The following ERBB4 variants were observed in gnomAD, a reference collection of about 807,000 sequenced individuals.
ERBB4 encodes the protein receptor tyrosine-protein kinase erbB-4.
A neutral mutation model predicts 158.0 loss-of-function variants in ERBB4; 42 were observed. The observed-to-expected ratio is 0.27, with a 90% CI of 0.21 to 0.34. The LOEUF is 0.34. ERBB4 is among the 10% of genes least tolerant of loss of function. The pLI, the probability that ERBB4 is intolerant of heterozygous loss-of-function variation, is 1.00. For synonymous variants in ERBB4, 583 were observed against 558.7 expected (o/e 1.04, Z -0.61); for missense variants, 1,333 against 1,624.1 (o/e 0.82, Z 3.08).
At chr2:212,140,361 ATATAGTAATATCTATATGTTTATGTATC>A (rs201602169) in intron 1 of ERBB4, among the ~76,000 whole-genome samples, 15,254 of 147,492 alleles carry the variant, frequency 0.1, 1,799 homozygotes, top group African/African-American at 0.29. Flanking sequence ...CATATAATAT[ATATAGTAATATCTATATGTTTATGTATC>A]TATAGTAATA....
chr2:211,652,974 A>G (rs1045492476), intron 16 of ERBB4, among the ~76,000 whole-genome samples: 1 of 150,160 alleles, frequency 6.7e-6, no homozygotes, highest in African/African-American at 2.4e-5. Context: ...ACAAACAAAC[A>G]AAAAAAAATC....
At chr2:212,465,446 T>A (rs928273861) in intron 1 of ERBB4, among the ~76,000 whole-genome samples, 9 of 152,156 alleles carry the variant, frequency 5.9e-5, no homozygotes, top group African/African-American at 1.7e-4. Context: ...ACAATGATAA[T>A]CTATATTTTC....
intron 20 of ERBB4, among the ~76,000 whole-genome samples, chr2:211,488,513 A>T (rs2065261983): frequency 6.6e-6 from 1 of 152,168 alleles, no homozygotes; most frequent in Admixed American, 6.6e-5. Context: ...ATTTTATTTA[A>T]GAAAAGTATA....
intron 20 of ERBB4, among the ~76,000 whole-genome samples, chr2:211,521,163 C>T (rs1251203155): frequency 6.6e-6 from 1 of 152,112 alleles, no homozygotes; most frequent in Non-Finnish European, 1.5e-5. Context: ...TGTTGAAACC[C>T]AAGGTAGACT....
At chr2:211,552,607 A>C (rs185396897) in intron 20 of ERBB4, among the ~76,000 whole-genome samples, 3 of 152,212 alleles carry the variant, frequency 2.0e-5, no homozygotes, top group Admixed American at 2.0e-4. Context: ...CCTCAAATCA[A>C]TTAGGGCACC....
intron 9 of ERBB4, among the ~76,000 whole-genome samples, chr2:211,710,087 C>T (rs1007770634): frequency 4.6e-5 from 7 of 151,954 alleles, no homozygotes; most frequent in South Asian, 2.1e-4. Flanking sequence ...ATAATTAAAA[C>T]AATATATATT....
At chr2:211,585,351 C>A (rs77319292) in intron 19 of ERBB4, among the ~76,000 whole-genome samples, 461 of 131,856 alleles carry the variant, frequency 3.5e-3, no homozygotes, top group East Asian at 5.8e-3. Flanking sequence ...GACTCCGTCT[C>A]AAAAAAAAAA....
At chr2:212,331,191 T>G (rs1459325029) in intron 1 of ERBB4, among the ~76,000 whole-genome samples, 1 of 150,148 alleles carries the variant, frequency 6.7e-6, no homozygotes, top group African/African-American at 2.4e-5. Flanking sequence ...ATGATGTATA[T>G]GCCGCATCTC....
intron 1 of ERBB4, among the ~76,000 whole-genome samples, chr2:212,157,775 A>G (rs1476318663): frequency 6.6e-6 from 1 of 152,106 alleles, no homozygotes; most frequent in African/African-American, 2.4e-5. Context: ...CTCAGGAAAT[A>G]TTCGTTTAAT....
chr2:212,187,024 C>G (rs1464019422), intron 1 of ERBB4, among the ~76,000 whole-genome samples: 2 of 152,082 alleles, frequency 1.3e-5, no homozygotes, highest in Non-Finnish European at 2.9e-5. Flanking sequence ...CATTTTTCCT[C>G]TGCCTTAGAC....
chr2:211,697,503 A>T (rs1301198888), intron 12 of ERBB4, among the ~76,000 whole-genome samples: 1 of 152,178 alleles, frequency 6.6e-6, no homozygotes, highest in African/African-American at 2.4e-5. Context: ...CCAGTAAGAG[A>T]GGAACTTATT....
intron 2 of ERBB4, among the ~76,000 whole-genome samples, chr2:212,014,945 C>G (rs993129323): frequency 2.7e-5 from 4 of 148,684 alleles, no homozygotes; most frequent in African/African-American, 9.9e-5. Context: ...GTAATCGCAG[C>G]ACTTTGGGAG....
At chr2:211,817,076 A>G (rs926133360) in intron 3 of ERBB4, among the ~76,000 whole-genome samples, 1 of 152,334 alleles carries the variant, frequency 6.6e-6, no homozygotes, top group Admixed American at 6.5e-5. Flanking sequence ...GTGAAAGTGC[A>G]TTGCCTTTGT....
chr2:211,561,278 T>C (rs561077384), intron 20 of ERBB4, among the ~76,000 whole-genome samples: 8 of 152,120 alleles, frequency 5.3e-5, no homozygotes, highest in Non-Finnish European at 7.4e-5. Context: ...AATTAAAAGA[T>C]CAGCTAACTC....
chr2:212,444,105 C>A (rs536119669), intron 1 of ERBB4, among the ~76,000 whole-genome samples: 3 of 152,182 alleles, frequency 2.0e-5, no homozygotes, highest in African/African-American at 2.4e-5. Flanking sequence ...CTCCTGCTAC[C>A]CTCCTCCTCT....
At chr2:211,783,203 T>G (rs112584098) in intron 4 of ERBB4, among the ~76,000 whole-genome samples, 37,567 of 152,166 alleles carry the variant, frequency 0.25, 5,448 homozygotes, top group Middle Eastern at 0.36. Context: ...GCTTGTGATT[T>G]TTGCACATTG....
intron 2 of ERBB4, among the ~76,000 whole-genome samples, chr2:212,107,726 G>A (rs1271809702): frequency 6.6e-6 from 1 of 152,140 alleles, no homozygotes; most frequent in African/African-American, 2.4e-5. Context: ...TGTCATGGGA[G>A]GGACCTGGTG....
rs1361575070 is a variant in ERBB4 at position 211,529,156 on chromosome 2, G to C, written c.2487+32747C>G. Among the ~76,000 whole-genome samples the C allele has an allele frequency of 2.7e-5, 4 of 149,630 alleles. No individual in the cohort carries two copies. In the East Asian group the frequency reaches 7.8e-4, roughly 29 times the overall value. On this transcript the variant is annotated intron_variant, in intron 20 of 27. Coordinates refer to ENST00000342788, the MANE Select transcript of ERBB4 (RefSeq NM_005235.3). Reference sequence around the variant, plus strand: ...GACCCAAATTAAAAAAAAAAAATTAGAGATGAAAAAGGGGACATTACAACT... The same window carrying C: ...GACCCAAATTAAAAAAAAAAAATTACAGATGAAAAAGGGGACATTACAACT...
chr2:211,742,484 T>G (rs1401162321), intron 5 of ERBB4, among the ~76,000 whole-genome samples: 1 of 152,180 alleles, frequency 6.6e-6, no homozygotes, highest in Non-Finnish European at 1.5e-5. Flanking sequence ...GATTTTATTA[T>G]TCTATTTCGA....
Sources: gnomAD v4.1 joint callset for allele counts (sites outside exome capture counted in the v4.1 genomes callset) on GRCh38, gnomAD v4.1.1 for gene constraint, MANE v1.5 for transcripts, NCBI Gene and HGNC (gene_info 2026-07-23, HGNC 2026-07-21) for gene names.